Variants in EPM2A observed in about 807,000 individuals in gnomAD.
The protein encoded by EPM2A is EPM2A glucan phosphatase, laforin, also known as laforin.
EPM2A carries 21 observed loss-of-function variants against 26.5 expected under a neutral mutation model. The observed-to-expected ratio is 0.79, with a 90% CI of 0.56 to 1.14. The LOEUF (loss-of-function observed/expected upper bound fraction) is 1.14, where lower values mean the gene tolerates loss of function less well. Among genes scored for constraint, EPM2A ranks in the 50% most tolerant of loss-of-function variants. EPM2A has a pLI of 0.00. For missense variants in EPM2A, 458 were observed against 440.8 expected, an observed-to-expected ratio of 1.04 and a Z score of -0.35; for synonymous variants, 217 against 177.6, an observed-to-expected ratio of 1.22 and a Z score of -1.76.
At chr6:145,636,724 C>T (rs372655422) in intron 2 of EPM2A, 3 of 151,872 alleles carry the variant, frequency 2.0e-5, no homozygotes, top group East Asian at 1.9e-4. Flanking sequence ...AAGTTCCAGA[C>T]CAGCCCAGCC....
chr6:145,469,121 C>T (rs1220576881), intron 4 of EPM2A, among the ~76,000 whole-genome samples: 2 of 152,026 alleles, frequency 1.3e-5, no homozygotes, highest in Admixed American at 6.6e-5. Context: ...ACAATTATGG[C>T]AGAAGGCAAA....
chr6:145,646,213 G>A (rs1777449894), intron 2 of EPM2A, among the ~76,000 whole-genome samples: 1 of 152,080 alleles, frequency 6.6e-6, no homozygotes, highest in East Asian at 1.9e-4. Flanking sequence ...GTGCAGTGCA[G>A]TGGCGCGATC....
chr6:145,463,037 A>C (rs1419216576), intron 4 of EPM2A, among the ~76,000 whole-genome samples: 1 of 152,210 alleles, frequency 6.6e-6, no homozygotes, highest in Non-Finnish European at 1.5e-5. Context: ...TTATTTAAAA[A>C]ATTCAAGCAC....
Position 145,723,985 on chromosome 6 carries a change from C to T in EPM2A, c.301+11213G>A, listed in dbSNP as rs562904604. ...ATTGTAAGCCAGACAACTTGCAGAGCTTACACAGAACTGGGAAACATTTTA... is the reference window on the plus strand; with the variant it reads ...ATTGTAAGCCAGACAACTTGCAGAGTTTACACAGAACTGGGAAACATTTTA... On this transcript the variant is annotated intron_variant, in intron 1 of 3. Coordinates refer to ENST00000367519, the MANE Select transcript of EPM2A (RefSeq NM_005670.4). Among the ~76,000 whole-genome samples, 6 of 152,172 alleles carry T rather than the reference C, an allele frequency of 3.9e-5. No individual in the cohort carries two copies. In the East Asian group the frequency reaches 5.8e-4, roughly 15 times the overall value.
Position 145,681,743 on chromosome 6 carries a change from T to C in EPM2A, c.476+4379A>G, listed in dbSNP as rs137982273. Reference sequence around the variant, plus strand: ...TTTCTGAGGGCTCTGTTCTGTTCCATTGATCTATCAAAGGATAACTGTAGT... The same window carrying C: ...TTTCTGAGGGCTCTGTTCTGTTCCACTGATCTATCAAAGGATAACTGTAGT... On this transcript the variant is annotated intron_variant, in intron 2 of 3. Transcript: ENST00000367519. Among the ~76,000 whole-genome samples the C allele has an allele frequency of 1.7e-3, 264 of 152,278 alleles. 1 individual carries two copies. Among genetic ancestry groups the C allele is most frequent in the African/African-American group, 6.1e-3 (255 of 41,564 alleles).
chr6:145,677,205 C>T (rs1048176396), intron 2 of EPM2A, among the ~76,000 whole-genome samples: 1 of 152,236 alleles, frequency 6.6e-6, no homozygotes, highest in East Asian at 1.9e-4. Flanking sequence ...TCAATAGAAG[C>T]AGAAAATGCC....
intron 4 of EPM2A, among the ~76,000 whole-genome samples, chr6:145,387,844 T>C (rs533802458): frequency 6.6e-6 from 1 of 151,966 alleles, no homozygotes; most frequent in South Asian, 2.1e-4. Flanking sequence ...AGTGCCAAGT[T>C]ATGGTACAAG....
At chr6:145,577,914 A>G (rs1489997830) in intron 2 of EPM2A, among the ~76,000 whole-genome samples, 1 of 152,136 alleles carries the variant, frequency 6.6e-6, no homozygotes, top group African/African-American at 2.4e-5. Context: ...GAAACTATAA[A>G]AATGTGTGAA....
chr6:145,517,477 C>T (rs1027564449), intron 2 of EPM2A, among the ~76,000 whole-genome samples: 6 of 152,146 alleles, frequency 3.9e-5, no homozygotes, highest in Non-Finnish European at 7.3e-5. Flanking sequence ...GAGCATCACA[C>T]GTTATTATAA....
chr6:145,594,938 C>G (rs982913137), intron 2 of EPM2A, among the ~76,000 whole-genome samples: 2 of 151,482 alleles, frequency 1.3e-5, no homozygotes, highest in African/African-American at 4.8e-5. Flanking sequence ...TAACATTTGT[C>G]TTTTCACCCT....
chr6:145,573,962 A>C (rs1159818216), intron 2 of EPM2A, among the ~76,000 whole-genome samples: 1 of 152,092 alleles, frequency 6.6e-6, no homozygotes, highest in Admixed American at 6.5e-5. Context: ...AGTCCCCTAA[A>C]TGTCTGATCA....
intron 1 of EPM2A, among the ~76,000 whole-genome samples, chr6:145,691,291 T>C (rs989799138): frequency 1.3e-5 from 2 of 152,092 alleles, no homozygotes. Flanking sequence ...AAAAATATTC[T>C]AATATGAGCA....
intron 2 of EPM2A, among the ~76,000 whole-genome samples, chr6:145,543,267 A>G (rs1158803758): frequency 1.3e-5 from 2 of 152,176 alleles, no homozygotes; most frequent in Non-Finnish European, 2.9e-5. Flanking sequence ...AATACAGTCA[A>G]AATAAATTAC....
At chr6:145,656,012 C>T (rs1778253884) in intron 2 of EPM2A, among the ~76,000 whole-genome samples, 1 of 151,982 alleles carries the variant, frequency 6.6e-6, no homozygotes, top group South Asian at 2.1e-4. Flanking sequence ...ATTTTTTCTG[C>T]AAGATTTGAA....
At chr6:145,574,807 A>T (rs1238540533) in intron 2 of EPM2A, among the ~76,000 whole-genome samples, 1 of 152,206 alleles carries the variant, frequency 6.6e-6, no homozygotes, top group Non-Finnish European at 1.5e-5. Flanking sequence ...TTAAATGAAG[A>T]GTTCCTATTT....
chr6:145,584,520 C>T (rs759193466), intron 2 of EPM2A, among the ~76,000 whole-genome samples: 1 of 152,144 alleles, frequency 6.6e-6, no homozygotes, highest in Non-Finnish European at 1.5e-5. Context: ...TCCACTGTAG[C>T]CATTCTTATG....
At chr6:145,485,487 G>A (rs1048180475) in intron 4 of EPM2A, among the ~76,000 whole-genome samples, 2 of 152,188 alleles carry the variant, frequency 1.3e-5, no homozygotes, top group Non-Finnish European at 2.9e-5. Flanking sequence ...CATTCAGGCA[G>A]CACTTCAGAG....
At chr6:145,647,911 A>T (rs951882352) in intron 2 of EPM2A, among the ~76,000 whole-genome samples, 1 of 152,244 alleles carries the variant, frequency 6.6e-6, no homozygotes, top group African/African-American at 2.4e-5. Context: ...TTAGCTCAAA[A>T]TAACAATTTT....
intron 2 of EPM2A, among the ~76,000 whole-genome samples, chr6:145,650,949 T>C (rs1208102471): frequency 6.6e-6 from 1 of 152,198 alleles, no homozygotes; most frequent in South Asian, 2.1e-4. Context: ...AATTTAGCTC[T>C]TGGGTAGGGC....
Sources: gnomAD v4.1 joint callset for allele counts (sites outside exome capture counted in the v4.1 genomes callset) on GRCh38, gnomAD v4.1.1 for gene constraint, MANE v1.5 for transcripts, NCBI Gene and HGNC (gene_info 2026-07-23, HGNC 2026-07-21) for gene names.